The following YY1 variants were observed in gnomAD, a reference collection of about 807,000 sequenced individuals.
YY1 encodes the protein transcriptional repressor protein YY1.
A neutral mutation model predicts 35.6 loss-of-function variants in YY1; 2 were observed. That is an observed-to-expected ratio of 0.06 (90% confidence interval 0.02 to 0.18). YY1 has a LOEUF of 0.18. Ranked by LOEUF, YY1 falls within the 10% of genes least tolerant of loss-of-function variation. The pLI is 1.00. For missense variants in YY1, 322 were observed against 573.4 expected (o/e 0.56, Z 4.48); for synonymous variants, 268 against 238.9 (o/e 1.12, Z -1.12).
chr14:100,249,119 T>C (rs1890883054), intron 1 of YY1, among the ~76,000 whole-genome samples: 1 of 122,772 alleles, frequency 8.1e-6, no homozygotes, highest in East Asian at 2.2e-4. Context: ...TTTTTTTTTT[T>C]TTTTTTTTTT....
chr14:100,282,518 C>T lies in YY1; in HGVS notation c.*4918C>T, dbSNP rs971551075. On this transcript the variant is annotated 3_prime_UTR_variant, in exon 5 of 5. Transcript: ENST00000262238. ...TGGTGAGAAAAATTATGTTTTTATTCGCTTTCTGGTAACTTCTGTAGGCCC... is the reference window on the plus strand; with the variant it reads ...TGGTGAGAAAAATTATGTTTTTATTTGCTTTCTGGTAACTTCTGTAGGCCC... The T allele has an allele frequency of 3.3e-5, 5 of 152,142 alleles. No individual in the cohort carries two copies. The highest frequency in any genetic ancestry group is 1.3e-4 in the Admixed American group (2 of 15,278). The allele number at this position is 152,142 out of a possible 1,614,324, so 9.4% of individuals were successfully genotyped here. A position where few individuals can be genotyped will look rare whatever the true frequency, so the allele number is the denominator to read the frequency against.
intron 1 of YY1, among the ~76,000 whole-genome samples, chr14:100,244,260 T>A (rs1890795464): frequency 6.6e-6 from 1 of 151,848 alleles, no homozygotes; most frequent in South Asian, 2.1e-4. Context: ...ATCTAATAGT[T>A]TTTTAGTAGT....
At position 100,281,266 on chromosome 14, in the gene YY1, A is replaced by AC. The variant is rs896986177; in HGVS notation, c.*3671dup. ...AATCCTTCTATTTTCTTGACATCTG[A>AC]CCCCCAGCAAGAGTAAGGATCCCAG... On this transcript the variant is annotated 3_prime_UTR_variant, in exon 5 of 5. Transcript: ENST00000262238. The AC allele has an allele frequency of 6.6e-6, 1 of 151,518 alleles. No individual in the cohort carries two copies. The highest frequency in any genetic ancestry group is 6.6e-5 in the Admixed American group (1 of 15,178). 9.4% of individuals were successfully genotyped at this position (151,518 alleles called of 1,614,324 possible). A position where few individuals can be genotyped will look rare whatever the true frequency, so the allele number is the denominator to read the frequency against.
At chr14:100,251,085 G>A (rs1890918067) in intron 1 of YY1, among the ~76,000 whole-genome samples, 1 of 152,152 alleles carries the variant, frequency 6.6e-6, no homozygotes, top group Non-Finnish European at 1.5e-5. Flanking sequence ...ACTGAATAAT[G>A]ACTCCCAATA....
chr14:100,257,799 C>T (rs1891025204), intron 1 of YY1, among the ~76,000 whole-genome samples: 1 of 149,988 alleles, frequency 6.7e-6, no homozygotes, highest in African/African-American at 2.5e-5. Context: ...AAGACACTTT[C>T]ATCAGTAGCT....
intron 1 of YY1, among the ~76,000 whole-genome samples, chr14:100,253,157 C>T (rs954836945): frequency 6.6e-6 from 1 of 152,200 alleles, no homozygotes; most frequent in Non-Finnish European, 1.5e-5. Context: ...AGACATACAA[C>T]AATTTTTTAA....
intron 1 of YY1, among the ~76,000 whole-genome samples, chr14:100,243,659 C>G (rs1432166803): frequency 1.3e-5 from 2 of 152,104 alleles, no homozygotes; most frequent in East Asian, 3.9e-4. Flanking sequence ...CAAAAATTAG[C>G]CAGTCATGGT....
At chr14:100,253,921 C>T (rs1390661156) in intron 1 of YY1, among the ~76,000 whole-genome samples, 1 of 152,160 alleles carries the variant, frequency 6.6e-6, no homozygotes, top group Non-Finnish European at 1.5e-5. Flanking sequence ...ACCTCTGCCT[C>T]CTGGGTTCTA....
At chr14:100,263,690 A>G (rs1407113479) in intron 2 of YY1, 1 of 151,940 alleles carries the variant, frequency 6.6e-6, no homozygotes, top group Non-Finnish European at 1.5e-5. Context: ...AATCCTTTTG[A>G]TCTTGCACAT....
rs545148110 is a variant in YY1, at chr14:100,243,152, C to G, written c.679+3229C>G. Among the ~76,000 whole-genome samples, 71 of 152,280 alleles carry G rather than the reference C, an allele frequency of 4.7e-4. 1 individual carries two copies. The highest frequency in any genetic ancestry group is 2.4e-3 in the Admixed American group (36 of 15,294). On this transcript the variant is annotated intron_variant, in intron 1 of 4. Coordinates refer to ENST00000262238, the MANE Select transcript of YY1 (RefSeq NM_003403.5). ...CAAGCTGAAATTCTGAAGGTGATTT[C>G]ATCTTCAGAACTGAAATGACGTGAT...
At chr14:100,246,679 A>G (rs1890838493) in intron 1 of YY1, among the ~76,000 whole-genome samples, 1 of 152,206 alleles carries the variant, frequency 6.6e-6, no homozygotes. Flanking sequence ...AATTTTTCCC[A>G]ATTTTATAAG....
intron 1 of YY1, among the ~76,000 whole-genome samples, chr14:100,242,735 G>A (rs988241331): frequency 8.6e-5 from 13 of 150,896 alleles, no homozygotes; most frequent in African/African-American, 2.4e-4. Flanking sequence ...TTTCACGTCC[G>A]TTTCTTTTCT....
At chr14:100,248,810 C>T (rs530902142) in intron 1 of YY1, among the ~76,000 whole-genome samples, 6 of 151,424 alleles carry the variant, frequency 4.0e-5, no homozygotes, top group African/African-American at 1.5e-4. Flanking sequence ...TCCTCAGCCT[C>T]CCGAGTAGCT....
chr14:100,265,697 T>A (rs945475295), intron 2 of YY1, among the ~76,000 whole-genome samples: 4 of 142,540 alleles, frequency 2.8e-5, no homozygotes, highest in Non-Finnish European at 4.5e-5. Flanking sequence ...TCGCCCAGGC[T>A]GGAGTGCAGT....
intron 1 of YY1, among the ~76,000 whole-genome samples, chr14:100,261,700 A>G (rs1158956522): frequency 1.3e-5 from 2 of 152,200 alleles, no homozygotes; most frequent in Admixed American, 6.5e-5. Context: ...GCCATGATAC[A>G]ACTGGGGAGC....
intron 1 of YY1, among the ~76,000 whole-genome samples, chr14:100,241,503 G>A (rs575892269): frequency 2.0e-5 from 3 of 152,190 alleles, no homozygotes; most frequent in South Asian, 2.1e-4. Context: ...TAATAGGAAG[G>A]TGCTAACAGG....
intron 1 of YY1, among the ~76,000 whole-genome samples, chr14:100,250,985 T>G (rs560124434): frequency 1.3e-4 from 20 of 152,158 alleles, no homozygotes; most frequent in African/African-American, 4.3e-4. Flanking sequence ...ATAATGAGAT[T>G]CTGTCTCAAA....
intron 1 of YY1, among the ~76,000 whole-genome samples, chr14:100,259,626 G>A (rs1891052995): frequency 6.6e-6 from 1 of 152,122 alleles, no homozygotes; most frequent in South Asian, 2.1e-4. Flanking sequence ...AGACTGAACT[G>A]ATAAAATGAA....
chr14:100,276,136 T>C lies in YY1; in HGVS notation c.904-354T>C, dbSNP rs563282410. The C allele has an allele frequency of 3.8e-5, 13 of 339,088 alleles. No homozygotes were observed. Among genetic ancestry groups the C allele is most frequent in the Non-Finnish European group, 7.4e-5 (13 of 176,570 alleles). The allele number at this position is 339,088 out of a possible 1,614,324, so 21.0% of individuals were successfully genotyped here. A position where few individuals can be genotyped will look rare whatever the true frequency, so the allele number is the denominator to read the frequency against. Reference sequence around the variant, plus strand: ...TTAGCAGTGCTTCTGTTACTTCATTTTGGGGGACATAGTCGGGTGAGGTGG... The same window carrying C: ...TTAGCAGTGCTTCTGTTACTTCATTCTGGGGGACATAGTCGGGTGAGGTGG... On this transcript the variant is annotated intron_variant, in intron 3 of 4. Coordinates refer to ENST00000262238, the MANE Select transcript of YY1 (RefSeq NM_003403.5). The surrounding 1 kb of genome is among the most constrained non-coding windows in gnomAD (Gnocchi z 4.1).
Sources: gnomAD v4.1 joint callset for allele counts (sites outside exome capture counted in the v4.1 genomes callset) on GRCh38, gnomAD v4.1.1 for gene constraint, Gnocchi (gnomAD v3.1) non-coding constraint, MANE v1.5 for transcripts, NCBI Gene and HGNC (gene_info 2026-07-23, HGNC 2026-07-21) for gene names.